The following RNF217 variants were observed in gnomAD, a reference collection of about 807,000 sequenced individuals.
The protein encoded by RNF217 is ring finger protein 217, also known as E3 ubiquitin-protein ligase RNF217.
RNF217 carries 31 observed loss-of-function variants against 57.8 expected under a neutral mutation model. The observed-to-expected ratio is 0.54, with a 90% CI of 0.40 to 0.72. The LOEUF (loss-of-function observed/expected upper bound fraction) is 0.72. Among genes scored for constraint, RNF217 ranks in the 30% least tolerant of loss-of-function variants. RNF217 has a pLI of 0.00. For synonymous variants in RNF217, 313 were observed against 294.0 expected (o/e 1.06, Z -0.66); for missense variants, 696 against 708.3 (o/e 0.98, Z 0.20).
chr6:124,972,254 C>G (rs1783791989), intron 1 of RNF217, among the ~76,000 whole-genome samples: 3 of 152,150 alleles, frequency 2.0e-5, no homozygotes, highest in Non-Finnish European at 4.4e-5. Context: ...AATTCTTCAT[C>G]TTTAAAATAT....
intron 1 of RNF217, among the ~76,000 whole-genome samples, chr6:124,972,324 C>T (rs956853749): frequency 1.3e-5 from 2 of 152,124 alleles, no homozygotes; most frequent in African/African-American, 4.8e-5. Context: ...CAGGCCTCTA[C>T]CATTTCTCTC....
chr6:124,966,057 G>C lies in RNF217; in HGVS notation c.882+2631G>C, dbSNP rs573143214. 5.3e-5 allele frequency among the ~76,000 whole-genome samples: 8 copies of C among 152,304 alleles called. No individual in the cohort carries two copies. The East Asian group carries it at 1.5e-3, about 29-fold the overall frequency. On this transcript the variant is annotated intron_variant, in intron 1 of 5. Coordinates refer to ENST00000521654, the MANE Select transcript of RNF217 (RefSeq NM_001286398.3). ...GCATTGGCACTAAATTCTATTCTGA[G>C]CTTCTTGATACTTAAGACAAAAGAC...
chr6:124,980,729 G>A (rs937873047), intron 1 of RNF217, among the ~76,000 whole-genome samples: 1 of 152,084 alleles, frequency 6.6e-6, no homozygotes, highest in Non-Finnish European at 1.5e-5. Context: ...CTTAAACAAA[G>A]ATTTTTTGTT....
chr6:125,081,269 A>T (rs1472503870), intron 4 of RNF217, among the ~76,000 whole-genome samples, 167 bp from the exon 5 acceptor site: 2 of 152,090 alleles, frequency 1.3e-5, no homozygotes, highest in African/African-American at 2.4e-5. Context: ...ACATGTGTAT[A>T]TCTGTTCTAT....
At chr6:125,021,312 G>T (rs915500305) in intron 1 of RNF217, among the ~76,000 whole-genome samples, 17 of 149,992 alleles carry the variant, frequency 1.1e-4, no homozygotes, top group Admixed American at 2.0e-4. Flanking sequence ...TGTCACCAAG[G>T]CTGGAGTGCA....
chr6:125,057,823 G>C, intron 2 of RNF217, 119 bp from the exon 3 acceptor site: 1 of 750,814 alleles, frequency 1.3e-6, no homozygotes, highest in Non-Finnish European at 2.1e-6. Context: ...GAGTCTTATA[G>C]AGGGGGAGGT....
chr6:125,065,269 C>T (rs1359090560), intron 3 of RNF217, among the ~76,000 whole-genome samples: 2 of 133,728 alleles, frequency 1.5e-5, no homozygotes, highest in African/African-American at 5.9e-5. Context: ...CCAGCCTTGG[C>T]AGCAGAGTGA....
At chr6:125,029,064 C>G (rs1187773603) in intron 1 of RNF217, among the ~76,000 whole-genome samples, 1 of 152,094 alleles carries the variant, frequency 6.6e-6, no homozygotes, top group African/African-American at 2.4e-5. Context: ...GAACAGGATT[C>G]TCTAAAATGT....
intron 3 of RNF217, 47 bp downstream of exon 3, chr6:125,058,153 G>A (rs774079796): frequency 1.5e-5 from 22 of 1,506,360 alleles, no homozygotes; most frequent in Non-Finnish European, 1.8e-5. Context: ...ACATCTGGAT[G>A]TGACTGAACA....
rs370419265 is a variant in RNF217 at position 125,009,226 on chromosome 6, G to C, written c.883-35985G>C. Reference sequence around the variant, plus strand: ...AAAGAGTAGGAGAATCAAAGCTGTTGTATAATTAGTTCTCTTCTCATCCAC... The same window carrying C: ...AAAGAGTAGGAGAATCAAAGCTGTTCTATAATTAGTTCTCTTCTCATCCAC... On this transcript the variant is annotated intron_variant, in intron 1 of 5. Transcript: ENST00000521654. The C allele has an allele frequency of 2.5e-6, 4 of 1,605,776 alleles. No homozygotes were observed. In the Admixed American group the frequency reaches 6.8e-5, roughly 27 times the overall value.
At chr6:125,005,676 A>G (rs1206987199) in intron 1 of RNF217, among the ~76,000 whole-genome samples, 1 of 152,210 alleles carries the variant, frequency 6.6e-6, no homozygotes, top group Admixed American at 6.5e-5. Flanking sequence ...TTTAAGATAT[A>G]ATGCTAGAAA....
At chr6:125,074,527 C>T (rs1280140089) in intron 3 of RNF217, among the ~76,000 whole-genome samples, 1 of 152,104 alleles carries the variant, frequency 6.6e-6, no homozygotes, top group East Asian at 1.9e-4. Context: ...AACTGAAATA[C>T]TGCACATAAT....
At chr6:124,981,832 C>A (rs984337761) in intron 1 of RNF217, among the ~76,000 whole-genome samples, 1 of 150,028 alleles carries the variant, frequency 6.7e-6, no homozygotes, top group East Asian at 2.0e-4. Context: ...TCCTGGCGAA[C>A]GTGGTGAAAC....
Position 125,083,074 on chromosome 6 carries a change from C to T in RNF217, c.*137C>T. ...CATCTCCCAGTGATTCTCCGTGGGC[C>T]ACAATGCCTCTAGCTATGGTGCACT... is the stretch of plus-strand genomic sequence containing the variant. On this transcript the variant is annotated 3_prime_UTR_variant, in exon 6 of 6. Coordinates refer to ENST00000521654, the MANE Select transcript of RNF217 (RefSeq NM_001286398.3). 1 of 579,422 alleles carries T rather than the reference C, an allele frequency of 1.7e-6. No individual in the cohort carries two copies. The highest frequency in any genetic ancestry group is 3.0e-6 in the Non-Finnish European group (1 of 337,048). 35.9% of individuals were successfully genotyped at this position (579,422 alleles called of 1,614,324 possible).
intron 1 of RNF217, among the ~76,000 whole-genome samples, chr6:125,026,868 A>G (rs943486860): frequency 1.3e-5 from 2 of 152,222 alleles, no homozygotes; most frequent in Admixed American, 6.5e-5. Context: ...TATACTAGTT[A>G]TAGAGTAGTA....
intron 1 of RNF217, among the ~76,000 whole-genome samples, chr6:124,971,865 C>T (rs889496000): frequency 2.0e-5 from 3 of 152,184 alleles, no homozygotes; most frequent in African/African-American, 7.2e-5. Context: ...ATGTTGGTGT[C>T]TGTGTAGTCC....
intron 1 of RNF217, among the ~76,000 whole-genome samples, chr6:124,976,860 G>A (rs1481516035): frequency 6.6e-6 from 1 of 152,134 alleles, no homozygotes; most frequent in Non-Finnish European, 1.5e-5. Flanking sequence ...CCTTTCTTTT[G>A]TTCTTAGTTT....
At chr6:125,008,325 G>A (rs955453060) in intron 1 of RNF217, among the ~76,000 whole-genome samples, 2 of 152,070 alleles carry the variant, frequency 1.3e-5, no homozygotes, top group Non-Finnish European at 2.9e-5. Flanking sequence ...CCTATTTTGG[G>A]ACCATAGTTG....
intron 1 of RNF217, among the ~76,000 whole-genome samples, chr6:125,024,761 G>T (rs1164301476): frequency 6.6e-6 from 1 of 151,684 alleles, no homozygotes; most frequent in African/African-American, 2.4e-5. Flanking sequence ...CAGTCAGGGG[G>T]ACATGGGAAG....
Sources: allele counts gnomAD v4.1 joint callset (sites outside exome capture counted in the v4.1 genomes callset), GRCh38; gene constraint gnomAD v4.1.1; transcripts MANE v1.5; gene names NCBI Gene and HGNC (gene_info 2026-07-23, HGNC 2026-07-21).